Variants in NEK1 observed in about 807,000 individuals in gnomAD.
The protein encoded by NEK1 is NIMA related kinase 1, also known as serine/threonine-protein kinase Nek1.
In NEK1, 137 loss-of-function variants were observed where a neutral mutation model predicts 182.1. The ratio of observed to expected loss-of-function variants is 0.75; its 90% CI spans 0.65 to 0.87. The LOEUF (loss-of-function observed/expected upper bound fraction) is 0.87, where lower values mean the gene tolerates loss of function less well. Among genes scored for constraint, NEK1 ranks in the 40% least tolerant of loss-of-function variants. The pLI is 0.00. For missense variants in NEK1, 1,391 were observed against 1,494.4 expected, an observed-to-expected ratio of 0.93 and a Z score of 1.14; for synonymous variants, 513 against 492.2, an observed-to-expected ratio of 1.04 and a Z score of -0.56.
chr4:169,532,948 GGAGAAA>G, intron 19 of NEK1, among the ~76,000 whole-genome samples: 1 of 151,814 alleles, frequency 6.6e-6, no homozygotes, highest in African/African-American at 2.4e-5. Context: ...AAAAAGGAAA[GGAGAAA>G]GGGAAAGGGA....
chr4:169,427,067 AG>A (rs1357309750), intron 29 of NEK1, among the ~76,000 whole-genome samples: 1 of 152,192 alleles, frequency 6.6e-6, no homozygotes, highest in Non-Finnish European at 1.5e-5. Flanking sequence ...GTTAGCTTAT[AG>A]GTAAGTTTTT....
At chr4:169,458,257 T>C (rs374014048) in intron 27 of NEK1, among the ~76,000 whole-genome samples, 25 of 152,080 alleles carry the variant, frequency 1.6e-4, no homozygotes, top group Admixed American at 8.5e-4. Flanking sequence ...CATACAGATA[T>C]AGTCAACTGA....
At chr4:169,438,578 C>A (rs1036988885) in intron 27 of NEK1, among the ~76,000 whole-genome samples, 2 of 152,170 alleles carry the variant, frequency 1.3e-5, no homozygotes, top group African/African-American at 4.8e-5. Flanking sequence ...CTCCTAGTTA[C>A]TTCTAATTGC....
intron 30 of NEK1, 33 bp from the exon 31 acceptor site, chr4:169,424,833 C>A (rs777065189): frequency 3.9e-6 from 6 of 1,544,458 alleles, no homozygotes; most frequent in Admixed American, 1.9e-5. Flanking sequence ...TGTGGTAAGT[C>A]TATACAGTAC....
chr4:169,579,726 T>A (rs1048477360), intron 11 of NEK1, among the ~76,000 whole-genome samples: 4 of 151,288 alleles, frequency 2.6e-5, no homozygotes, highest in Non-Finnish European at 5.9e-5. Context: ...GAGGCAGAGG[T>A]TGCAGTGAGC....
intron 31 of NEK1, among the ~76,000 whole-genome samples, chr4:169,417,192 A>G (rs1734683968): frequency 6.6e-6 from 1 of 152,224 alleles, no homozygotes; most frequent in African/African-American, 2.4e-5. Flanking sequence ...CCAGGGTAAC[A>G]GCAAGTGCAA....
At chr4:169,577,748 C>T (rs1245546645) in intron 11 of NEK1, among the ~76,000 whole-genome samples, 3 of 151,452 alleles carry the variant, frequency 2.0e-5, no homozygotes, top group South Asian at 4.2e-4. Context: ...AATGAGACTC[C>T]GTCTCAAAAA....
intron 23 of NEK1, among the ~76,000 whole-genome samples, chr4:169,492,967 GT>G (rs763967337): frequency 1.2e-4 from 18 of 152,198 alleles, no homozygotes; most frequent in Non-Finnish European, 2.6e-4. Flanking sequence ...TCTCGCCAAA[GT>G]GCATGATTGT....
intron 27 of NEK1, 70 bp downstream of exon 27, chr4:169,463,173 T>C: frequency 1.2e-6 from 1 of 866,602 alleles, no homozygotes; most frequent in Non-Finnish European, 1.6e-6. Flanking sequence ...AATGGAAACA[T>C]CTTAAAATAC....
At chr4:169,495,266 C>T (rs1369172965) in intron 23 of NEK1, among the ~76,000 whole-genome samples, 32 of 105,548 alleles carry the variant, frequency 3.0e-4, no homozygotes, top group East Asian at 1.9e-3. Context: ...TTTTTTGAGA[C>T]GGAGTTTCGC....
chr4:169,547,462 G>T (rs568457016), intron 18 of NEK1, among the ~76,000 whole-genome samples: 1 of 152,146 alleles, frequency 6.6e-6, no homozygotes, highest in African/African-American at 2.4e-5. Flanking sequence ...TGGGGTTGCT[G>T]ATCTCGAGGA....
chr4:169,480,992 T>C (rs1490611945), intron 23 of NEK1, among the ~76,000 whole-genome samples: 1 of 152,216 alleles, frequency 6.6e-6, no homozygotes, highest in Non-Finnish European at 1.5e-5. Context: ...CGACTAAGTT[T>C]ACAAAATATT....
chr4:169,585,806 A>G lies in NEK1; in HGVS notation c.607-257T>C, dbSNP rs571382462. 8.5e-5 allele frequency among the ~76,000 whole-genome samples: 13 copies of G among 152,312 alleles called. No individual in the cohort carries two copies. The East Asian group carries it at 2.1e-3, about 25-fold the overall frequency. On this transcript the variant is annotated intron_variant, in intron 9 of 35. Coordinates refer to ENST00000507142, the MANE Select transcript of NEK1 (RefSeq NM_001199397.3). Reference sequence around the variant, plus strand: ...GTATTAAATAAACGTTTCATAAACTATAACAATAATCAAATGGTGAAAGGT... The same window carrying G: ...GTATTAAATAAACGTTTCATAAACTGTAACAATAATCAAATGGTGAAAGGT...
At chr4:169,577,574 TG>T (rs1233796478) in intron 11 of NEK1, among the ~76,000 whole-genome samples, 1 of 151,806 alleles carries the variant, frequency 6.6e-6, no homozygotes, top group Non-Finnish European at 1.5e-5. Flanking sequence ...TAGACCATGG[TG>T]AAACCCTGTC....
intron 11 of NEK1, among the ~76,000 whole-genome samples, chr4:169,580,167 A>G (rs940525324): frequency 1.3e-5 from 2 of 152,000 alleles, no homozygotes; most frequent in African/African-American, 4.8e-5. Context: ...CATTCACTTA[A>G]TTTAAAAAAT....
intron 26 of NEK1, among the ~76,000 whole-genome samples, chr4:169,472,662 T>C (rs890241195): frequency 2.0e-5 from 3 of 152,240 alleles, no homozygotes; most frequent in Admixed American, 6.5e-5. Context: ...CAATGGTCTA[T>C]TGCCTCAGAG....
In NEK1 at chr4:169,401,852, T is replaced by G; in HGVS notation, c.3383A>C (p.Glu1128Ala). Residue 1128 changes from glutamate to alanine, a missense_variant, in exon 33 of 36, where the codon GAA becomes GCA. Glu to Ala is a moderately radical substitution (Grantham distance 107). This residue lies in a region of NEK1 where 1,216 missense variants were observed against 1,277.6 expected (regional missense o/e 0.95). Coordinates refer to ENST00000507142, the MANE Select transcript of NEK1 (RefSeq NM_001199397.3). ...CTCTTGTAAATCTGTGTCAGTTTCT[T>G]CAAACACACTGAAATTTAAAAAGTA... Reference protein sequence around the residue: ...GPSDSEDIVFEETDTDLQELQ... With the variant: ...GPSDSEDIVFAETDTDLQELQ... 6.2e-7 allele frequency: 1 copy of G among 1,603,482 alleles called. No homozygotes were observed. Among genetic ancestry groups the G allele is most frequent in the South Asian group, 1.1e-5 (1 of 88,694 alleles).
chr4:169,590,394 C>T (rs1353707819), intron 6 of NEK1, among the ~76,000 whole-genome samples: 1 of 151,902 alleles, frequency 6.6e-6, no homozygotes, highest in Non-Finnish European at 1.5e-5. Flanking sequence ...TATAAAATGT[C>T]CAGAATAGGC....
At chr4:169,404,270 G>A (rs1212478403) in intron 32 of NEK1, among the ~76,000 whole-genome samples, 5 of 152,078 alleles carry the variant, frequency 3.3e-5, no homozygotes, top group Admixed American at 3.3e-4. Context: ...CTACAGTCAA[G>A]TAGAAGAAAC....
Sources: gnomAD v4.1 joint callset for allele counts (sites outside exome capture counted in the v4.1 genomes callset) on GRCh38, gnomAD v4.1.1 for gene constraint, gnomAD v4.1.1 regional missense constraint, MANE v1.5 for transcripts, NCBI Gene and HGNC (gene_info 2026-07-23, HGNC 2026-07-21) for gene names.